CEP83: variants seen among roughly 807,000 people sequenced by gnomAD.
The protein encoded by CEP83 is centrosomal protein 83.
CEP83 carries 70 observed loss-of-function variants against 101.9 expected under a neutral mutation model. That is an observed-to-expected ratio of 0.69 (90% CI 0.57 to 0.84). CEP83 has a LOEUF of 0.84. CEP83 is among the 40% of genes least tolerant of loss of function. The pLI is 0.00. For missense variants in CEP83, 715 were observed against 787.2 expected (o/e 0.91, Z 1.10); for synonymous variants, 264 against 267.9 (o/e 0.99, Z 0.14).
intron 11 of CEP83, among the ~76,000 whole-genome samples, chr12:94,362,954 TCTCA>T (rs1186709192): frequency 6.6e-6 from 1 of 152,258 alleles, no homozygotes; most frequent in African/African-American, 2.4e-5. Context: ...TACTGCATGT[TCTCA>T]CTCACATGTG....
chr12:94,459,805 G>C lies in CEP83; in HGVS notation c.-403C>G, dbSNP rs1286969550. On this transcript the variant is annotated 5_prime_UTR_variant, in exon 1 of 17. Transcript: ENST00000397809. ...ATGTGAAGTATCCCGGGAGAGGTCC[G>C]AGGGCGGCGGCGGCGGCGGTGAAAA... 1 of 153,920 alleles carries C rather than the reference G, an allele frequency of 6.5e-6. No homozygotes were observed. Among genetic ancestry groups the C allele is most frequent in the Non-Finnish European group, 1.4e-5 (1 of 69,144 alleles). 9.5% of individuals were successfully genotyped at this position (153,920 alleles called of 1,614,324 possible). A position where few individuals can be genotyped will look rare whatever the true frequency, so the allele number is the denominator to read the frequency against.
chr12:94,451,877 G>A (rs923116157), intron 1 of CEP83, among the ~76,000 whole-genome samples: 1 of 152,090 alleles, frequency 6.6e-6, no homozygotes, highest in African/African-American at 2.4e-5. Context: ...ATTCATAACA[G>A]CCAAAAACTG....
chr12:94,374,440 C>T (rs1471619438), intron 8 of CEP83, among the ~76,000 whole-genome samples: 1 of 152,124 alleles, frequency 6.6e-6, no homozygotes, highest in Non-Finnish European at 1.5e-5. Context: ...ATAATTTATA[C>T]TGGAATTGGA....
chr12:94,323,564 A>G (rs1292608481), intron 14 of CEP83, among the ~76,000 whole-genome samples: 1 of 152,070 alleles, frequency 6.6e-6, no homozygotes. Context: ...CAATGCGTGT[A>G]CCTGGATGCT....
intron 5 of CEP83, among the ~76,000 whole-genome samples, chr12:94,401,991 G>A (rs1024092591): frequency 1.3e-5 from 2 of 151,980 alleles, no homozygotes; most frequent in African/African-American, 4.8e-5. Flanking sequence ...ATTTTGAAGG[G>A]GACAATAATC....
At chr12:94,329,421 C>T (rs1593184749) in intron 14 of CEP83, among the ~76,000 whole-genome samples, 1 of 152,074 alleles carries the variant, frequency 6.6e-6, no homozygotes, top group South Asian at 2.1e-4. Flanking sequence ...CATGTGCCAC[C>T]ATGCACAGTT....
At chr12:94,283,274 A>G in the CEP83 span, among the ~76,000 whole-genome samples, 2 of 152,118 alleles carry the variant, frequency 1.3e-5, no homozygotes, top group Admixed American at 1.3e-4. Context: ...AAACAATGAG[A>G]ATTTAGCCAG....
In CEP83 at chr12:94,378,289, C is replaced by G. The variant is rs146591992; in HGVS notation, c.801+502G>C. On this transcript the variant is annotated intron_variant, in intron 7 of 16. Transcript: ENST00000397809. ...AACACTTATCTTTCTCTAATGAACC[C>G]AGGGAAATAATTCTGTAAAGGCATG... is the stretch of plus-strand genomic sequence containing the variant. Among the ~76,000 whole-genome samples, 314 of 152,146 alleles carry G rather than the reference C, an allele frequency of 2.1e-3. 3 individuals are homozygous for G. Among genetic ancestry groups the G allele is most frequent in the African/African-American group, 7.1e-3 (296 of 41,500 alleles).
intron 7 of CEP83, among the ~76,000 whole-genome samples, chr12:94,378,429 A>G (rs1292755212): frequency 6.6e-6 from 1 of 152,206 alleles, no homozygotes; most frequent in Non-Finnish European, 1.5e-5. Context: ...TCCCAGTGTA[A>G]GGAATGTACT....
At chr12:94,303,138 T>TA (rs1285403291), downstream of CEP83, among the ~76,000 whole-genome samples, 9 of 152,212 alleles carry the variant, frequency 5.9e-5, no homozygotes, top group Non-Finnish European at 1.2e-4. Context: ...ATCACTGTTA[T>TA]AATTACGTAG....
chr12:94,449,452 T>C (rs995709840), intron 1 of CEP83, among the ~76,000 whole-genome samples: 1 of 151,868 alleles, frequency 6.6e-6, no homozygotes, highest in African/African-American at 2.4e-5. Flanking sequence ...TTCAACAACA[T>C]ATAACAGAGA....
intron 12 of CEP83, among the ~76,000 whole-genome samples, chr12:94,334,431 G>A (rs957664566): frequency 6.6e-6 from 1 of 151,996 alleles, no homozygotes; most frequent in African/African-American, 2.4e-5. Context: ...CTTTATTTGG[G>A]ACAGTTACAC....
chr12:94,424,097 T>C (rs1488791304), intron 2 of CEP83: 3 of 1,608,266 alleles, frequency 1.9e-6, no homozygotes, highest in Non-Finnish European at 2.6e-6. Context: ...AGTCACTCTC[T>C]GATACGAAGA....
Position 94,428,362 on chromosome 12 carries a change from C to T in CEP83, c.-102+6913G>A, listed in dbSNP as rs375634969. Among the ~76,000 whole-genome samples the T allele has an allele frequency of 2.8e-4, 42 of 152,332 alleles. 1 individual carries two copies. In the South Asian group the frequency reaches 3.9e-3, roughly 14 times the overall value. Reference sequence around the variant, plus strand: ...TGTGAGTTGTATATTCTTCTTTGCTCACAGTCCCACCTTTCTTCTGAAATA... The same window carrying T: ...TGTGAGTTGTATATTCTTCTTTGCTTACAGTCCCACCTTTCTTCTGAAATA... On this transcript the variant is annotated intron_variant, in intron 2 of 16. Transcript: ENST00000397809.
At chr12:94,279,831 C>T in the CEP83 span, 155,561 of 705,312 alleles carry the variant, frequency 0.22, 18,017 homozygotes, top group South Asian at 0.25. Flanking sequence ...TCATGGGCAT[C>T]CTGATTCTTC....
intron 11 of CEP83, among the ~76,000 whole-genome samples, chr12:94,337,335 TACA>T (rs1307205411): frequency 3.3e-5 from 5 of 152,262 alleles, no homozygotes; most frequent in African/African-American, 1.2e-4. Flanking sequence ...GAAGATGATA[TACA>T]ACAAGACCTT....
chr12:94,371,905 A>C (rs2061326804), intron 8 of CEP83, among the ~76,000 whole-genome samples: 1 of 152,170 alleles, frequency 6.6e-6, no homozygotes, highest in East Asian at 1.9e-4. Flanking sequence ...CATCCCTCCA[A>C]ATTAACTCGT....
chr12:94,303,646 TTGG>T, downstream of CEP83: 3 of 914,094 alleles, frequency 3.3e-6, no homozygotes, highest in Non-Finnish European at 4.7e-6. Flanking sequence ...GTAAAACTGG[TTGG>T]TGGTGGGGGT....
intron 8 of CEP83, among the ~76,000 whole-genome samples, chr12:94,370,346 C>T (rs956300253): frequency 6.6e-6 from 1 of 152,140 alleles, no homozygotes; most frequent in African/African-American, 2.4e-5. Flanking sequence ...GGAAAATCTG[C>T]AGGGGAAAAA....
Sources: gnomAD v4.1 joint callset for allele counts (sites outside exome capture counted in the v4.1 genomes callset) on GRCh38, gnomAD v4.1.1 for gene constraint, MANE v1.5 for transcripts, NCBI Gene and HGNC (gene_info 2026-07-23, HGNC 2026-07-21) for gene names.